Variants in ZNF727 observed in about 807,000 individuals in gnomAD.
The protein encoded by ZNF727 is putative zinc finger protein 727.
In ZNF727, 11 loss-of-function variants were observed where a neutral mutation model predicts 11.5. That is an observed-to-expected ratio of 0.95 (90% CI 0.60 to 1.58). The LOEUF is 1.58. ZNF727 is among the 40% of genes most tolerant of loss of function. The probability of loss-of-function intolerance (pLI) is 0.00; values close to 1 mark genes in which losing one functional copy is unlikely to be tolerated. For synonymous variants in ZNF727, 171 were observed against 196.1 expected (o/e 0.87, Z 1.07); for missense variants, 533 against 581.7 (o/e 0.92, Z 0.86).
At chr7:64,061,483 T>C (rs1051250567) in intron 1 of ZNF727, among the ~76,000 whole-genome samples, 9 of 151,930 alleles carry the variant, frequency 5.9e-5, no homozygotes, top group Non-Finnish European at 1.0e-4. Context: ...TTAATATAAG[T>C]ATAGCTATCC....
chr7:64,063,383 G>A (rs1279888038), intron 1 of ZNF727, among the ~76,000 whole-genome samples: 1 of 152,160 alleles, frequency 6.6e-6, no homozygotes, highest in African/African-American at 2.4e-5. Context: ...ACTTGTAGAG[G>A]TACCACTTTG....
chr7:64,046,663 C>A (rs1789512598), intron 1 of ZNF727, among the ~76,000 whole-genome samples: 1 of 152,234 alleles, frequency 6.6e-6, no homozygotes, highest in Non-Finnish European at 1.5e-5. Context: ...CCTGTGGAAC[C>A]ATGAGCCAGT....
intron 1 of ZNF727, among the ~76,000 whole-genome samples, chr7:64,065,190 C>T (rs1268750065): frequency 2.0e-5 from 3 of 152,110 alleles, no homozygotes; most frequent in Non-Finnish European, 4.4e-5. Context: ...AGCCCAGGGT[C>T]AACCACGAGT....
intron 3 of ZNF727, among the ~76,000 whole-genome samples, chr7:64,077,026 T>A (rs1785677352): frequency 2.0e-5 from 3 of 152,186 alleles, no homozygotes; most frequent in Non-Finnish European, 2.9e-5. Context: ...AATACTTTTA[T>A]TACACTTCTA....
chr7:64,069,261 C>T (rs1789920433), intron 2 of ZNF727, among the ~76,000 whole-genome samples: 1 of 151,904 alleles, frequency 6.6e-6, no homozygotes, highest in South Asian at 2.1e-4. Context: ...AATTTGATAG[C>T]ATAAAATATT....
intron 1 of ZNF727, among the ~76,000 whole-genome samples, chr7:64,065,333 G>A (rs1332373301): frequency 2.0e-5 from 3 of 152,084 alleles, no homozygotes; most frequent in Non-Finnish European, 4.4e-5. Context: ...GAAATTTCTG[G>A]CATCTGTGGC....
rs75030044 is a variant in ZNF727 at position 64,074,301 on chromosome 7, G to A, written c.227-2975G>A. ...TTACTGTCATGGAAGAAAATTTTTT[G>A]ATGCATACTTATTAGGCTTTTGAAT... On this transcript the variant is annotated intron_variant, in intron 3 of 3. Coordinates refer to ENST00000456806, the MANE Select transcript of ZNF727 (RefSeq NM_001159522.3). Among the ~76,000 whole-genome samples, 1,404 of 152,214 alleles carry A rather than the reference G, an allele frequency of 9.2e-3. 49 individuals carry two copies. The South Asian group carries it at 0.11, about 12-fold the overall frequency.
rs1383797400 is a variant in ZNF727, at chr7:64,080,894, T to TTTTGTTTTTG, written c.*2348_*2349insGTTTTTGTTT. Reference sequence around the variant, plus strand: ...TTTGTTTTTTGTTTTTTGTTTTTGTTTTTTTTTTTGTGGTGGTGGAGGGGG... The same window carrying TTTTGTTTTTG: ...TTTGTTTTTTGTTTTTTGTTTTTGTTTTTGTTTTTGTTTTTTTTTGTGGTGGTGGAGGGGG... On this transcript the variant is annotated 3_prime_UTR_variant, in exon 4 of 4. Coordinates refer to ENST00000456806, the MANE Select transcript of ZNF727 (RefSeq NM_001159522.3). Among the ~76,000 whole-genome samples, 10 of 146,534 alleles carry TTTTGTTTTTG rather than the reference T, an allele frequency of 6.8e-5. No homozygotes were observed. The highest frequency in any genetic ancestry group is 6.2e-4 in the Admixed American group (9 of 14,488).
At chr7:64,076,231 G>T (rs1328605466) in intron 3 of ZNF727, among the ~76,000 whole-genome samples, 8 of 152,110 alleles carry the variant, frequency 5.3e-5, no homozygotes, top group Admixed American at 5.2e-4. Context: ...GTTTGCCTGT[G>T]TAAAATATTA....
chr7:64,077,662 T>A lies in ZNF727; in HGVS notation c.613T>A (p.Cys205Ser). Residue 205 changes from cysteine (C) to serine (S), a missense_variant, in exon 4 of 4, where the codon TGT becomes AGT. Physicochemically the swap from Cys to Ser is moderately radical, Grantham distance 112. This residue lies in a region of ZNF727 where 463 missense variants were observed against 494.5 expected (regional missense o/e 0.94). Coordinates refer to ENST00000456806, the MANE Select transcript of ZNF727 (RefSeq NM_001159522.3). ...TADRSYKCEE[C>S]GKACKKFSNL... is the part of the protein sequence containing the mutation. ...AGATAGAAGTTACAAATGTGAAGAA[T>A]GTGGCAAAGCCTGTAAAAAGTTCTC... 1 of 1,557,536 alleles carries A rather than the reference T, an allele frequency of 6.4e-7. No individual in the cohort carries two copies. Among genetic ancestry groups the A allele is most frequent in the East Asian group, 2.4e-5 (1 of 41,256 alleles).
In ZNF727 at chr7:64,079,018, C is replaced by G. The variant is rs554565143; in HGVS notation, c.*469C>G. On this transcript the variant is annotated 3_prime_UTR_variant, in exon 4 of 4. Coordinates refer to ENST00000456806, the MANE Select transcript of ZNF727 (RefSeq NM_001159522.3). ...ATGAAGAATGTGGCAAGGCCTTTACCTACTCCTCAATCCTTATTAACCACA... is the reference window on the plus strand; with the variant it reads ...ATGAAGAATGTGGCAAGGCCTTTACGTACTCCTCAATCCTTATTAACCACA... Among the ~76,000 whole-genome samples the G allele has an allele frequency of 6.6e-6, 1 of 152,146 alleles. No individual in the cohort carries two copies. Among genetic ancestry groups the G allele is most frequent in the South Asian group, 2.1e-4 (1 of 4,822 alleles).
In ZNF727 at chr7:64,057,244, G is replaced by A. The variant is rs553274767; in HGVS notation, c.3+11620G>A. ...TGTATTTTTTAATTAACCTTAGGCA[G>A]TATACTGTTTTAAAAAGTAAAACAA... On this transcript the variant is annotated intron_variant, in intron 1 of 3. Coordinates refer to ENST00000456806, the MANE Select transcript of ZNF727 (RefSeq NM_001159522.3). Among the ~76,000 whole-genome samples, 9 of 152,258 alleles carry A rather than the reference G, an allele frequency of 5.9e-5. No individual in the cohort carries two copies. In the East Asian group the frequency reaches 1.7e-3, roughly 29 times the overall value.
chr7:64,055,622 C>T (rs1410402845), intron 1 of ZNF727, among the ~76,000 whole-genome samples: 2 of 152,134 alleles, frequency 1.3e-5, no homozygotes, highest in Non-Finnish European at 2.9e-5. Context: ...TGGAGTCATA[C>T]AGTATTTGTT....
chr7:64,059,349 T>G (rs1191756925), intron 1 of ZNF727, among the ~76,000 whole-genome samples: 1 of 152,236 alleles, frequency 6.6e-6, no homozygotes, highest in African/African-American at 2.4e-5. Flanking sequence ...TGTAACTGAT[T>G]AATTTTTTTG....
In ZNF727 at chr7:64,080,748, G is replaced by A. The variant is rs549881863; in HGVS notation, c.*2199G>A. ...CTGATTTTGTCTCATCTTTGTGGGC[G>A]TATCTTTAAAGTTGCTGAACTTTGA... is the stretch of plus-strand genomic sequence containing the variant. On this transcript the variant is annotated 3_prime_UTR_variant, in exon 4 of 4. Transcript: ENST00000456806. Among the ~76,000 whole-genome samples, 10 of 152,158 alleles carry A rather than the reference G, an allele frequency of 6.6e-5. No homozygotes were observed. Among genetic ancestry groups the A allele is most frequent in the Non-Finnish European group, 1.2e-4 (8 of 68,014 alleles).
At chr7:64,077,136 ATATGTC>A in intron 3 of ZNF727, 134 bp from the exon 4 acceptor site, 1 of 862,100 alleles carries the variant, frequency 1.2e-6, no homozygotes. Context: ...TGTTAAGCTT[ATATGTC>A]TATAAAGGAA....
intron 1 of ZNF727, among the ~76,000 whole-genome samples, chr7:64,060,079 A>G (rs1789746909): frequency 6.6e-6 from 1 of 152,152 alleles, no homozygotes; most frequent in Non-Finnish European, 1.5e-5. Context: ...AATATACCCA[A>G]TATATAGATA....
Position 64,079,837 on chromosome 7 carries a change from T to A in ZNF727, c.*1288T>A, listed in dbSNP as rs1584159606. Among the ~76,000 whole-genome samples, 1 of 152,332 alleles carries A rather than the reference T, an allele frequency of 6.6e-6. No individual in the cohort carries two copies. On this transcript the variant is annotated 3_prime_UTR_variant, in exon 4 of 4. Transcript: ENST00000456806. Reference sequence around the variant, plus strand: ...TTTAGGGCTTTCTTCAGAAGATCTTTTAAGGCAGGTCTTGTGGTAACAGAT... The same window carrying A: ...TTTAGGGCTTTCTTCAGAAGATCTTATAAGGCAGGTCTTGTGGTAACAGAT...
rs575566808 is a variant in ZNF727 at position 64,071,133 on chromosome 7, T to A, written c.226+1524T>A. ...AGTAAATTTATTGTATATGCAGAAA[T>A]GAGATAGCTAAATTGTACAATAGTA... On this transcript the variant is annotated intron_variant, in intron 3 of 3. Coordinates refer to ENST00000456806, the MANE Select transcript of ZNF727 (RefSeq NM_001159522.3). Among the ~76,000 whole-genome samples, 5 of 152,154 alleles carry A rather than the reference T, an allele frequency of 3.3e-5. No homozygotes were observed. In the East Asian group the frequency reaches 9.7e-4, roughly 29 times the overall value.
Sources: gnomAD v4.1 joint callset for allele counts (sites outside exome capture counted in the v4.1 genomes callset) on GRCh38, gnomAD v4.1.1 for gene constraint, gnomAD v4.1.1 regional missense constraint, MANE v1.5 for transcripts, NCBI Gene and HGNC (gene_info 2026-07-23, HGNC 2026-07-21) for gene names.